The following UBE2E2 variants were observed in gnomAD, a reference collection of about 807,000 sequenced individuals.
UBE2E2 encodes the protein ubiquitin conjugating enzyme E2 E2, also known as ubiquitin-conjugating enzyme E2 E2.
UBE2E2 carries 6 observed loss-of-function variants against 24.7 expected under a neutral mutation model. That is an observed-to-expected ratio of 0.24 (90% CI 0.13 to 0.48). UBE2E2 has a LOEUF of 0.48. UBE2E2 is among the 20% of genes least tolerant of loss of function. The pLI, the probability that UBE2E2 is intolerant of heterozygous loss-of-function variation, is 0.99. For synonymous variants in UBE2E2, 104 were observed against 83.6 expected, an observed-to-expected ratio of 1.24 and a Z score of -1.33; for missense variants, 169 against 245.0, an observed-to-expected ratio of 0.69 and a Z score of 2.07.
Position 23,291,927 on chromosome 3 carries a change from C to T in UBE2E2, c.227+74615C>T, listed in dbSNP as rs184405503. On this transcript the variant is annotated intron_variant, in intron 3 of 5. Transcript: ENST00000396703. Reference sequence around the variant, plus strand: ...AGGCCAGAGTGCAGTGGCACGATCTCGGCTCACTGCAGGCTCCACCTCCTG... The same window carrying T: ...AGGCCAGAGTGCAGTGGCACGATCTTGGCTCACTGCAGGCTCCACCTCCTG... Among the ~76,000 whole-genome samples, 862 of 137,468 alleles carry T rather than the reference C, an allele frequency of 6.3e-3. 12 individuals are homozygous for T. The highest frequency in any genetic ancestry group is 0.02 in the African/African-American group (727 of 36,338). The allele number at this position is 137,468 out of a possible 152,430, so 90.2% of individuals were successfully genotyped here.
At chr3:23,370,502 G>C (rs1696374440) in intron 3 of UBE2E2, among the ~76,000 whole-genome samples, 1 of 152,132 alleles carries the variant, frequency 6.6e-6, no homozygotes, top group Non-Finnish European at 1.5e-5. Context: ...TTGTTATATA[G>C]CCTTTCTGTA....
intron 3 of UBE2E2, among the ~76,000 whole-genome samples, chr3:23,372,358 G>C (rs562795662): frequency 6.6e-6 from 1 of 152,198 alleles, no homozygotes; most frequent in Non-Finnish European, 1.5e-5. Context: ...TGATACCACT[G>C]GAAGAAAAAC....
chr3:23,456,153 T>C (rs1698672921), intron 3 of UBE2E2, among the ~76,000 whole-genome samples: 1 of 152,242 alleles, frequency 6.6e-6, no homozygotes, highest in African/African-American at 2.4e-5. Context: ...TTGTTCAAGT[T>C]TGATCATAAG....
intron 3 of UBE2E2, among the ~76,000 whole-genome samples, chr3:23,319,467 C>T (rs1020137500): frequency 6.6e-6 from 1 of 152,070 alleles, no homozygotes; most frequent in Non-Finnish European, 1.5e-5. Flanking sequence ...TGATTGTGTG[C>T]CAGATACTAT....
At chr3:23,292,011 A>G (rs1030305672) in intron 3 of UBE2E2, among the ~76,000 whole-genome samples, 7 of 151,872 alleles carry the variant, frequency 4.6e-5, no homozygotes, top group Non-Finnish European at 1.5e-5. Context: ...GGCGCCCGCC[A>G]CCGCACCCGG....
intron 3 of UBE2E2, among the ~76,000 whole-genome samples, chr3:23,352,303 C>T (rs4858073): frequency 1.3e-3 from 197 of 151,110 alleles, no homozygotes; most frequent in Non-Finnish European, 2.2e-3. Context: ...AATTGACACC[C>T]TAACATCACA....
intron 3 of UBE2E2, among the ~76,000 whole-genome samples, chr3:23,219,895 T>G (rs1046120901): frequency 2.6e-5 from 4 of 152,188 alleles, no homozygotes; most frequent in African/African-American, 9.7e-5. Context: ...CACATTCCAC[T>G]TTGAGTGTGG....
chr3:23,522,626 A>G (rs1032017986), intron 4 of UBE2E2, among the ~76,000 whole-genome samples: 7 of 152,130 alleles, frequency 4.6e-5, no homozygotes, highest in African/African-American at 1.7e-4. Flanking sequence ...CCAAACAAGC[A>G]TTGATTGAGC....
At chr3:23,307,098 T>G (rs181133110) in intron 3 of UBE2E2, among the ~76,000 whole-genome samples, 441 of 152,282 alleles carry the variant, frequency 2.9e-3, no homozygotes, top group Non-Finnish European at 4.6e-3. Flanking sequence ...ATGTAAAGAG[T>G]ATGCTAACTT....
chr3:23,571,280 C>CTCTTTTTTTTTTTTTTTTTTT lies in UBE2E2; in HGVS notation c.509-18453_509-18452insCTTTTTTTTTTTTTTTTTTTT, dbSNP rs1696217145. Among the ~76,000 whole-genome samples the CTCTTTTTTTTTTTTTTTTTTT allele has an allele frequency of 8.7e-4, 26 of 29,882 alleles. 3 individuals are homozygous for CTCTTTTTTTTTTTTTTTTTTT. The highest frequency in any genetic ancestry group is 2.6e-3 in the African/African-American group (25 of 9,720). 19.6% of individuals were successfully genotyped at this position (29,882 alleles called of 152,430 possible). On this transcript the variant is annotated intron_variant, in intron 5 of 5. Transcript: ENST00000396703. ...AGTCCCCTCACCTGTGTGCTCCTTT[C>CTCTTTTTTTTTTTTTTTTTTT]TTTTTTTTTTTTTTTTTTTTTTTTT...
chr3:23,269,033 A>G (rs1328817402), intron 3 of UBE2E2, among the ~76,000 whole-genome samples: 5 of 151,824 alleles, frequency 3.3e-5, no homozygotes, highest in African/African-American at 1.2e-4. Flanking sequence ...CCTTCCTTAC[A>G]CCTTATACAA....
At chr3:23,266,810 T>A (rs4578972) in intron 3 of UBE2E2, among the ~76,000 whole-genome samples, 8 of 152,014 alleles carry the variant, frequency 5.3e-5, no homozygotes, top group South Asian at 2.1e-4. Context: ...GGAAGTAAAG[T>A]TCTCCTCAGC....
chr3:23,509,070 G>A (rs1272661365), intron 4 of UBE2E2, among the ~76,000 whole-genome samples: 5 of 152,168 alleles, frequency 3.3e-5, no homozygotes, highest in Non-Finnish European at 5.9e-5. Flanking sequence ...ACATCAAAGG[G>A]TATTGAGTGA....
chr3:23,203,137 G>C (rs1201637691), upstream of UBE2E2: 3 of 984,574 alleles, frequency 3.0e-6, no homozygotes, highest in Non-Finnish European at 2.4e-6. Flanking sequence ...GCCGGGCGGC[G>C]GCGGCTCCCG....
In UBE2E2 at chr3:23,203,455, C is replaced by CT. The variant is rs1451743473; in HGVS notation, c.-18_-17insT. On this transcript the variant is annotated 5_prime_UTR_variant, in exon 1 of 6. Coordinates refer to ENST00000396703, the MANE Select transcript of UBE2E2 (RefSeq NM_152653.4). ...CGAGCCTGCGACCTGCACGGACACC[C>CT]CCCCCTCAGGTATTCGCTCGGGCCG... 1.0e-6 allele frequency: 1 copy of CT among 961,886 alleles called. No homozygotes were observed. Among genetic ancestry groups the CT allele is most frequent in the Non-Finnish European group, 1.2e-6 (1 of 821,444 alleles). 59.6% of individuals were successfully genotyped at this position (961,886 alleles called of 1,614,324 possible). A position where few individuals can be genotyped will look rare whatever the true frequency, so the allele number is the denominator to read the frequency against.
intron 5 of UBE2E2, among the ~76,000 whole-genome samples, chr3:23,555,152 T>C (rs2125500856): frequency 6.6e-6 from 1 of 152,142 alleles, no homozygotes; most frequent in Middle Eastern, 3.4e-3. Context: ...CCCGACCTCA[T>C]GTGATCCACC....
At chr3:23,443,827 C>G (rs1353748842) in intron 3 of UBE2E2, among the ~76,000 whole-genome samples, 1 of 152,132 alleles carries the variant, frequency 6.6e-6, no homozygotes, top group East Asian at 1.9e-4. Context: ...TTCCATACTA[C>G]GATATGAGGC....
intron 5 of UBE2E2, among the ~76,000 whole-genome samples, chr3:23,546,470 T>TC (rs1695524202): frequency 6.9e-6 from 1 of 144,958 alleles, no homozygotes; most frequent in South Asian, 2.3e-4. Flanking sequence ...ATTTTTTTTT[T>TC]TTTTTTTTTT....
chr3:23,214,451 GT>G (rs1007048823), intron 2 of UBE2E2, among the ~76,000 whole-genome samples: 5 of 151,874 alleles, frequency 3.3e-5, no homozygotes, highest in South Asian at 4.2e-4. Flanking sequence ...GAGTCTCACT[GT>G]GTTGTGCAGG....
Sources: allele counts gnomAD v4.1 joint callset (sites outside exome capture counted in the v4.1 genomes callset), GRCh38; gene constraint gnomAD v4.1.1; transcripts MANE v1.5; gene names NCBI Gene and HGNC (gene_info 2026-07-23, HGNC 2026-07-21).